The following DHX58 variants were observed in gnomAD, a reference collection of about 807,000 sequenced individuals.
The protein encoded by DHX58 is DExH-box helicase 58.
Under a neutral mutation model 65.0 loss-of-function variants are expected in DHX58, and 51 were observed. That is an observed-to-expected ratio of 0.78 (90% CI 0.63 to 0.99). DHX58 has a LOEUF of 0.99. DHX58 is among the 50% of genes least tolerant of loss of function. The pLI, the probability that DHX58 is intolerant of heterozygous loss-of-function variation, is 0.00. For synonymous variants in DHX58, 350 were observed against 365.0 expected, an observed-to-expected ratio of 0.96 and a Z score of 0.47; for missense variants, 773 against 891.8, an observed-to-expected ratio of 0.87 and a Z score of 1.70.
Position 42,103,626 on chromosome 17 carries a change from T to G in DHX58, c.1736A>C (p.Asn579Thr). The change falls in exon 12 of 14, where the codon AAT (asparagine) becomes ACT (threonine). Residue 579 changes from asparagine to threonine, a missense_variant. By Grantham distance (65) the Asn-to-Thr change is moderately conservative. Transcript: ENST00000251642. ...GTCTCACGAGAAGTTGGGGTTCACA[T>G]TGACATGGTGGGTGCCCTCCACCTT... Reference protein sequence around the residue: ...LRKVEGTHHVNVNPNFSNYYN... With the variant: ...LRKVEGTHHVTVNPNFSNYYN... The G allele has an allele frequency of 1.2e-6, 2 of 1,614,066 alleles. No homozygotes were observed. The highest frequency in any genetic ancestry group is 1.7e-6 in the Non-Finnish European group (2 of 1,180,028).
At position 42,110,732 on chromosome 17, in the gene DHX58, G is replaced by T; in HGVS notation, c.552C>A (p.His184Gln). ...GASKLDGAIN[H>Q]VLQLCANLDT... ...CAGGGGCCAGGCTGACCTGCAGGAC[G>T]TGGTTGATGGCCCCATCGAGTTTGG... The change falls in exon 5 of 14, where the codon CAC (histidine) becomes CAA (glutamine). Residue 184 changes from histidine to glutamine, a missense_variant. His to Gln is a conservative substitution (Grantham distance 24). Transcript: ENST00000251642. The T allele has an allele frequency of 1.1e-5, 18 of 1,604,402 alleles. No homozygotes were observed. The highest frequency in any genetic ancestry group is 1.5e-5 in the Non-Finnish European group (18 of 1,174,966).
Position 42,111,801 on chromosome 17 carries a change from G to A in DHX58, c.92C>T (p.Thr31Ile), listed in dbSNP as rs1555664380. The A allele has an allele frequency of 1.9e-6, 3 of 1,614,080 alleles. No individual in the cohort carries two copies. The highest frequency in any genetic ancestry group is 3.3e-5 in the Admixed American group (2 of 60,018). ...IIWLPTGAGKTRAAAYVAKRH... is the reference protein window; with the variant it reads ...IIWLPTGAGKIRAAAYVAKRH... The stretch of plus-strand genomic sequence containing the variant: ...CTTGGCCACATAAGCAGCCGCCCGG[G>A]TCTTCCCGGCACCCGTGGGCAGCCA... Residue 31 changes from threonine (T) to isoleucine (I), a missense_variant, in exon 3 of 14, where the codon ACC becomes ATC. Physicochemically the swap from Thr to Ile is moderately conservative, Grantham distance 89 (BLOSUM62 -1). Coordinates refer to ENST00000251642, the MANE Select transcript of DHX58 (RefSeq NM_024119.3).
rs368814299 is a variant in DHX58, at chr17:42,108,899, A to AT, written c.678+370dup. On this transcript the variant is annotated intron_variant, in intron 6 of 13. Transcript: ENST00000251642. The stretch of plus-strand genomic sequence containing the variant: ...GCTCAAACCTGACCCCAAGTGTAAC[A>AT]TTTGGTATAGTTATGGACCTGACAC... 2.1e-3 allele frequency among the ~76,000 whole-genome samples: 327 copies of AT among 152,340 alleles called. 2 individuals are homozygous for AT. Among genetic ancestry groups the AT allele is most frequent in the African/African-American group, 7.3e-3 (303 of 41,576 alleles).
intron 12 of DHX58, chr17:42,103,312 G>A (rs1252105378): frequency 1.7e-5 from 7 of 407,916 alleles, no homozygotes; most frequent in South Asian, 1.0e-4. Context: ...TGATATCTTC[G>A]GAATAGGTAG....
rs541060238 is a variant in DHX58, at chr17:42,101,562, G to A, written c.*199C>T. 10 of 610,054 alleles carry A rather than the reference G, an allele frequency of 1.6e-5. No homozygotes were observed. Among genetic ancestry groups the A allele is most frequent in the Non-Finnish European group, 2.0e-5 (7 of 355,846 alleles). 37.8% of individuals were successfully genotyped at this position (610,054 alleles called of 1,614,324 possible). A position where few individuals can be genotyped will look rare whatever the true frequency, so the allele number is the denominator to read the frequency against. Reference sequence around the variant, plus strand: ...AGTGCATATGAAAATGTCTATGTGCGTACAAGGTAGGTCTGGACTAAGCTC... The same window carrying A: ...AGTGCATATGAAAATGTCTATGTGCATACAAGGTAGGTCTGGACTAAGCTC... On this transcript the variant is annotated 3_prime_UTR_variant, in exon 14 of 14. Coordinates refer to ENST00000251642, the MANE Select transcript of DHX58 (RefSeq NM_024119.3).
intron 12 of DHX58, 76 bp from the exon 13 acceptor site, chr17:42,102,388 A>C: frequency 7.5e-7 from 1 of 1,327,896 alleles, no homozygotes; most frequent in Non-Finnish European, 1.1e-6. Context: ...CTGCCGGCCA[A>C]GTCTCTGCCT....
Position 42,103,637 on chromosome 17 carries a change from G to A in DHX58, c.1725C>T (p.Thr575=). 1 of 1,614,010 alleles carries A rather than the reference G, an allele frequency of 6.2e-7. No individual in the cohort carries two copies. The change falls in exon 12 of 14, where the codon ACC becomes ACT. Residue 575 remains threonine, a synonymous_variant. Coordinates refer to ENST00000251642, the MANE Select transcript of DHX58 (RefSeq NM_024119.3). ...HGSDLRKVEG[T]HHVNVNPNFS... ...AGTTGGGGTTCACATTGACATGGTG[G>A]GTGCCCTCCACCTTCCGCAGGTCGC...
Position 42,105,170 on chromosome 17 carries a change from G to A in DHX58, c.1252-3C>T, listed in dbSNP as rs1555662370. On this transcript the variant is annotated splice_polypyrimidine_tract_variant and splice_region_variant and intron_variant, in intron 9 of 13. Transcript: ENST00000251642. ...TGGATCACTTCTTGCTGGTCCCTCTGCAGGCGGAGGGCAGGGAGGAGAAAG... is the reference window on the plus strand; with the variant it reads ...TGGATCACTTCTTGCTGGTCCCTCTACAGGCGGAGGGCAGGGAGGAGAAAG... 6.2e-7 allele frequency: 1 copy of A among 1,608,108 alleles called. No individual in the cohort carries two copies.
In DHX58 at chr17:42,101,694, G is replaced by T. The variant is rs2053979713; in HGVS notation, c.*67C>A. 1.9e-6 allele frequency: 3 copies of T among 1,565,268 alleles called. No homozygotes were observed. The highest frequency in any genetic ancestry group is 2.7e-5 in the African/African-American group (2 of 74,194). ...ACAGCTGATGATTCAGGAAGGAGGG[G>T]CCTGGAGTCTGCTGCAGACTCTCCC... On this transcript the variant is annotated 3_prime_UTR_variant, in exon 14 of 14. Transcript: ENST00000251642.
intron 8 of DHX58, among the ~76,000 whole-genome samples, chr17:42,106,536 G>A (rs987522049): frequency 4.6e-5 from 7 of 151,988 alleles, no homozygotes; most frequent in Non-Finnish European, 1.0e-4. Context: ...ATTGGCTCAC[G>A]CCTGTAATCC....
chr17:42,105,879 C>T lies in DHX58; in HGVS notation c.1108G>A (p.Gly370Ser). Residue 370 changes from glycine to serine, a missense_variant, in exon 9 of 14, where the codon GGT (glycine) becomes AGT (serine). By Grantham distance (56) the Gly-to-Ser change is moderately conservative. Coordinates refer to ENST00000251642, the MANE Select transcript of DHX58 (RefSeq NM_024119.3). ...RQFSSSNSPR[G>S]IIFTRTRQSA... ...TGGCGGGTGCGGGTGAAGATGATACCCCGAGGGCTGTTAGAGCTACTGAAC... is the reference window on the plus strand; with the variant it reads ...TGGCGGGTGCGGGTGAAGATGATACTCCGAGGGCTGTTAGAGCTACTGAAC... 2 of 1,613,864 alleles carry T rather than the reference C, an allele frequency of 1.2e-6. No individual in the cohort carries two copies. The highest frequency in any genetic ancestry group is 1.7e-6 in the Non-Finnish European group (2 of 1,180,000).
rs1240160338 is a variant in DHX58 at position 42,112,108 on chromosome 17, C to T, written c.-2+5G>A. Reference sequence around the variant, plus strand: ...CACCTGCCCCCTGCCCAGCCCAGGACTCACCTGCTCTAGTAGGTAGGTCTG... The same window carrying T: ...CACCTGCCCCCTGCCCAGCCCAGGATTCACCTGCTCTAGTAGGTAGGTCTG... On this transcript the variant is annotated splice_donor_5th_base_variant and intron_variant, in intron 2 of 13. Transcript: ENST00000251642. 1 of 539,474 alleles carries T rather than the reference C, an allele frequency of 1.9e-6. No homozygotes were observed. The highest frequency in any genetic ancestry group is 3.2e-6 in the Non-Finnish European group (1 of 314,978). 33.4% of individuals were successfully genotyped at this position (539,474 alleles called of 1,614,324 possible).
intron 13 of DHX58, 89 bp from the exon 14 acceptor site, chr17:42,102,035 C>T: frequency 1.4e-6 from 2 of 1,476,226 alleles, no homozygotes. Context: ...AATACAGGGC[C>T]TTTTCCTCCC....
At position 42,111,544 on chromosome 17, in the gene DHX58, A is replaced by C. The variant is rs781923872; in HGVS notation, c.169-47T>G. On this transcript the variant is annotated intron_variant, in intron 3 of 13. Transcript: ENST00000251642. ...GGAAAAGAGAGCTGAATCTGGGGCCAGGGGTAGGGAGGCGGTAAGGTGACC... is the reference window on the plus strand; with the variant it reads ...GGAAAAGAGAGCTGAATCTGGGGCCCGGGGTAGGGAGGCGGTAAGGTGACC... 66 of 1,606,492 alleles carry C rather than the reference A, an allele frequency of 4.1e-5. No homozygotes were observed. In the South Asian group the frequency reaches 6.8e-4, roughly 17 times the overall value.
At position 42,110,710 on chromosome 17, in the gene DHX58, G is replaced by T; in HGVS notation, c.561+13C>A. On this transcript the variant is annotated intron_variant, in intron 5 of 13. Transcript: ENST00000251642. The stretch of plus-strand genomic sequence containing the variant: ...GGGTCTGGCAGTGGGAGGCCCACAG[G>T]GGCCAGGCTGACCTGCAGGACGTGG... 1 of 1,582,178 alleles carries T rather than the reference G, an allele frequency of 6.3e-7. No individual in the cohort carries two copies. The highest frequency in any genetic ancestry group is 8.6e-7 in the Non-Finnish European group (1 of 1,164,170).
Position 42,101,611 on chromosome 17 carries a change from T to G in DHX58, c.*150A>C. On this transcript the variant is annotated 3_prime_UTR_variant, in exon 14 of 14. Transcript: ENST00000251642. ...TCTGGCCCTCCGGTTGTTTTCCCAT[T>G]GCGGGAGCCTAAGCCAGGGTGCCCA... 9.8e-7 allele frequency: 1 copy of G among 1,023,094 alleles called. No homozygotes were observed. Among genetic ancestry groups the G allele is most frequent in the Non-Finnish European group, 1.4e-6 (1 of 704,610 alleles). 63.4% of individuals were successfully genotyped at this position (1,023,094 alleles called of 1,614,324 possible).
chr17:42,104,549 G>A, intron 11 of DHX58, among the ~76,000 whole-genome samples: 1 of 152,170 alleles, frequency 6.6e-6, no homozygotes, highest in East Asian at 1.9e-4. Context: ...TAAATAAAGA[G>A]CCTTGGACAA....
At chr17:42,106,256 GAA>G (rs2054057773) in intron 8 of DHX58, among the ~76,000 whole-genome samples, 1 of 135,006 alleles carries the variant, frequency 7.4e-6, no homozygotes, top group Non-Finnish European at 1.6e-5. Flanking sequence ...AAAAGGAAAA[GAA>G]AGAGAGAGAG....
rs1555664205 is a variant in DHX58, at chr17:42,111,416, T to C, written c.250A>G (p.Met84Val). Residue 84 changes from methionine to valine, a missense_variant, in exon 4 of 14, where the codon ATG (methionine) becomes GTG (valine). By Grantham distance (21) the Met-to-Val change is conservative. Coordinates refer to ENST00000251642, the MANE Select transcript of DHX58 (RefSeq NM_024119.3). ...TGGCCAAAGCCAGCACGTGGTCCCA[T>C]GTCCCCACTCAGGGTTGTCACGGTC... ...RWTVTTLSGDMGPRAGFGHLA... is the reference protein window; with the variant it reads ...RWTVTTLSGDVGPRAGFGHLA... 1 of 1,614,212 alleles carries C rather than the reference T, an allele frequency of 6.2e-7. No individual in the cohort carries two copies.
Sources: allele counts gnomAD v4.1 joint callset (sites outside exome capture counted in the v4.1 genomes callset), GRCh38; gene constraint gnomAD v4.1.1; transcripts MANE v1.5; gene names NCBI Gene and HGNC (gene_info 2026-07-23, HGNC 2026-07-21).